The following ELAPOR1 variants were observed in gnomAD, a reference collection of about 807,000 sequenced individuals.
ELAPOR1 encodes the protein endosome-lysosome associated apoptosis and autophagy regulator 1.
In ELAPOR1, 77 loss-of-function variants were observed where a neutral mutation model predicts 119.7. The ratio of observed to expected loss-of-function variants is 0.64; its 90% CI spans 0.54 to 0.78. ELAPOR1 has a LOEUF of 0.78. ELAPOR1 is among the 30% of genes least tolerant of loss of function. ELAPOR1 has a pLI of 0.00. For synonymous variants in ELAPOR1, 481 were observed against 487.2 expected, an observed-to-expected ratio of 0.99 and a Z score of 0.17; for missense variants, 1,115 against 1,270.4, an observed-to-expected ratio of 0.88 and a Z score of 1.86.
At chr1:109,195,748 G>A (rs1653752677) in intron 15 of ELAPOR1, among the ~76,000 whole-genome samples, 1 of 152,248 alleles carries the variant, frequency 6.6e-6, no homozygotes, top group Admixed American at 6.5e-5. Flanking sequence ...ATTTCATGCT[G>A]CTGCAAATAT....
intron 1 of ELAPOR1, among the ~76,000 whole-genome samples, chr1:109,126,600 A>G (rs1648798079): frequency 6.6e-6 from 1 of 152,062 alleles, no homozygotes. Context: ...CCTCCCGGGT[A>G]ACTGGGATTA....
At chr1:109,138,570 C>CCAGCAGCAGCAGCAGCAG (rs71069652) in intron 1 of ELAPOR1, among the ~76,000 whole-genome samples, 7,429 of 151,170 alleles carry the variant, frequency 0.049, 603 homozygotes, top group African/African-American at 0.17. Flanking sequence ...TCCCTCCCCA[C>CCAGCAGCAGCAGCAGCAG]CAGCAGCAGC....
chr1:109,187,575 C>T, intron 8 of ELAPOR1: 1 of 1,002,074 alleles, frequency 1.0e-6, no homozygotes, highest in Non-Finnish European at 1.2e-6. Flanking sequence ...TGGAGCTGCC[C>T]ACCTTCACCC....
intron 1 of ELAPOR1, among the ~76,000 whole-genome samples, chr1:109,160,576 C>A (rs1045482925): frequency 1.3e-5 from 2 of 152,172 alleles, no homozygotes; most frequent in African/African-American, 4.8e-5. Flanking sequence ...TCCTTTTGAT[C>A]CTGACGCATT....
chr1:109,150,235 A>G (rs1005714128), intron 1 of ELAPOR1, among the ~76,000 whole-genome samples: 1 of 152,172 alleles, frequency 6.6e-6, no homozygotes, highest in Non-Finnish European at 1.5e-5. Flanking sequence ...CCAGTGGGGT[A>G]GGCCCTGCCA....
chr1:109,179,613 T>C (rs929377260), intron 7 of ELAPOR1, among the ~76,000 whole-genome samples: 31 of 151,840 alleles, frequency 2.0e-4, no homozygotes, highest in Non-Finnish European at 1.2e-4. Flanking sequence ...TGGAGGTCAT[T>C]AAAGAATTTT....
At chr1:109,128,451 A>G (rs1273204392) in intron 1 of ELAPOR1, among the ~76,000 whole-genome samples, 1 of 152,182 alleles carries the variant, frequency 6.6e-6, no homozygotes, top group Non-Finnish European at 1.5e-5. Context: ...ATCACATGAA[A>G]ATAGAGTGGC....
At chr1:109,200,349 C>A (rs1377691832) in intron 20 of ELAPOR1, 112 bp downstream of exon 20, 1 of 1,264,582 alleles carries the variant, frequency 7.9e-7, no homozygotes, top group African/African-American at 1.5e-5. Flanking sequence ...GCTACAGACT[C>A]TGTGACTTAT....
At position 109,172,456 on chromosome 1, in the gene ELAPOR1, G is replaced by A. The variant is rs763517367; in HGVS notation, c.616-32G>A. On this transcript the variant is annotated intron_variant, in intron 4 of 21. Coordinates refer to ENST00000369939, the MANE Select transcript of ELAPOR1 (RefSeq NM_020775.5). Reference sequence around the variant, plus strand: ...AAGGTATCCATTTCCTTAGAAAGCTGAGACTCTGGTCCCAAACTCTTTTTA... The same window carrying A: ...AAGGTATCCATTTCCTTAGAAAGCTAAGACTCTGGTCCCAAACTCTTTTTA... The A allele has an allele frequency of 3.3e-6, 5 of 1,537,952 alleles. No individual in the cohort carries two copies. In the African/African-American group the frequency reaches 6.8e-5, roughly 21 times the overall value.
intron 7 of ELAPOR1, among the ~76,000 whole-genome samples, chr1:109,179,656 A>C (rs1390296348): frequency 6.6e-6 from 1 of 152,124 alleles, no homozygotes; most frequent in Non-Finnish European, 1.5e-5. Context: ...CTGTAATCCC[A>C]GCACTTTGGG....
chr1:109,175,735 G>C (rs1416181915), intron 7 of ELAPOR1, among the ~76,000 whole-genome samples: 1 of 149,230 alleles, frequency 6.7e-6, no homozygotes, highest in South Asian at 2.1e-4. Flanking sequence ...GCTGAGGCTG[G>C]AGAATCACTT....
chr1:109,177,238 ACC>A (rs1279176785), intron 7 of ELAPOR1, among the ~76,000 whole-genome samples: 3 of 95,716 alleles, frequency 3.1e-5, no homozygotes, highest in Admixed American at 1.0e-4. Context: ...CGGGGGGCTG[ACC>A]CCCCCACCTC....
intron 9 of ELAPOR1, 118 bp downstream of exon 9, chr1:109,188,472 T>A (rs1653212304): frequency 8.3e-7 from 1 of 1,205,886 alleles, no homozygotes; most frequent in Admixed American, 2.4e-5. Context: ...CAGTAAGGAA[T>A]AAGGACCAGG....
intron 16 of ELAPOR1, 66 bp downstream of exon 16, chr1:109,197,720 TAAGA>T: frequency 6.7e-7 from 1 of 1,487,854 alleles, no homozygotes; most frequent in Non-Finnish European, 9.1e-7. Flanking sequence ...TGTGTATGTG[TAAGA>T]GAGTGTGAGG....
chr1:109,125,181 G>A (rs892002548), intron 1 of ELAPOR1, among the ~76,000 whole-genome samples: 4 of 151,278 alleles, frequency 2.6e-5, no homozygotes, highest in South Asian at 2.1e-4. Flanking sequence ...AACCCACCTC[G>A]GCCTCCCAAA....
chr1:109,120,619 C>G (rs1648344766), intron 1 of ELAPOR1, among the ~76,000 whole-genome samples: 1 of 151,982 alleles, frequency 6.6e-6, no homozygotes, highest in African/African-American at 2.4e-5. Context: ...TTTGTTATAG[C>G]AGACCAAACA....
chr1:109,157,884 T>A (rs1296576102), intron 1 of ELAPOR1, among the ~76,000 whole-genome samples: 1 of 152,182 alleles, frequency 6.6e-6, no homozygotes, highest in Non-Finnish European at 1.5e-5. Flanking sequence ...CTCTAGTCTA[T>A]AAACAGTTCC....
chr1:109,169,720 T>C (rs1292370660), intron 3 of ELAPOR1, among the ~76,000 whole-genome samples: 1 of 152,212 alleles, frequency 6.6e-6, no homozygotes, highest in Non-Finnish European at 1.5e-5. Flanking sequence ...TAAGGTAAAT[T>C]TGGTCTCTTC....
chr1:109,196,438 T>G (rs1283918213), intron 15 of ELAPOR1, among the ~76,000 whole-genome samples: 2 of 152,208 alleles, frequency 1.3e-5, no homozygotes, highest in African/African-American at 2.4e-5. Flanking sequence ...GCAGGCTTCA[T>G]GTAGCAAAAG....
Sources: gnomAD v4.1 joint callset for allele counts (sites outside exome capture counted in the v4.1 genomes callset) on GRCh38, gnomAD v4.1.1 for gene constraint, MANE v1.5 for transcripts, NCBI Gene and HGNC (gene_info 2026-07-23, HGNC 2026-07-21) for gene names.